Variants in PTGIS observed in about 807,000 individuals in gnomAD.
PTGIS encodes prostacyclin synthase.
In PTGIS, 45 loss-of-function variants were observed where a neutral mutation model predicts 50.3. The observed-to-expected ratio is 0.90, with a 90% confidence interval of 0.70 to 1.15. The LOEUF (loss-of-function observed/expected upper bound fraction) is 1.15, where lower values mean the gene tolerates loss of function less well. Among genes scored for constraint, PTGIS ranks in the 50% most tolerant of loss-of-function variants. The pLI, the probability that PTGIS is intolerant of heterozygous loss-of-function variation, is 0.00. For missense variants in PTGIS, 668 were observed against 661.3 expected, an observed-to-expected ratio of 1.01 and a Z score of -0.11; for synonymous variants, 260 against 267.7, an observed-to-expected ratio of 0.97 and a Z score of 0.28.
intron 1 of PTGIS, among the ~76,000 whole-genome samples, chr20:49,561,959 G>C (rs937032610): frequency 6.6e-6 from 1 of 152,086 alleles, no homozygotes; most frequent in Non-Finnish European, 1.5e-5. Flanking sequence ...TGATGGTGTG[G>C]GAGACACCAC....
chr20:49,518,922 C>G (rs1289366113), intron 6 of PTGIS, among the ~76,000 whole-genome samples: 1 of 152,164 alleles, frequency 6.6e-6, no homozygotes, highest in Non-Finnish European at 1.5e-5. Flanking sequence ...CAGGACCACC[C>G]AGGAATTTCC....
chr20:49,530,523 A>G lies in PTGIS; in HGVS notation c.674-6284T>C, dbSNP rs527591425. ...CCATACTGTTCTCCATGATGGCTAT[A>G]CCAATTTAAATTCCCACCACCAGTG... On this transcript the variant is annotated intron_variant, in intron 5 of 9. Coordinates refer to ENST00000244043, the MANE Select transcript of PTGIS (RefSeq NM_000961.4). Among the ~76,000 whole-genome samples, 31 of 152,270 alleles carry G rather than the reference A, an allele frequency of 2.0e-4. 1 individual carries two copies. The South Asian group carries it at 6.4e-3, about 32-fold the overall frequency.
intron 1 of PTGIS, among the ~76,000 whole-genome samples, chr20:49,562,130 G>A (rs1309696447): frequency 1.3e-5 from 2 of 152,206 alleles, no homozygotes; most frequent in African/African-American, 4.8e-5. Context: ...TTCTAATCCA[G>A]ACAGGTCTGG....
At chr20:49,519,130 C>T (rs1256603698) in intron 6 of PTGIS, among the ~76,000 whole-genome samples, 2 of 152,042 alleles carry the variant, frequency 1.3e-5, no homozygotes, top group African/African-American at 4.8e-5. Flanking sequence ...AACTCTCCTC[C>T]GTCTGCCCCC....
At chr20:49,555,601 A>G (rs374206884) in intron 1 of PTGIS, among the ~76,000 whole-genome samples, 2 of 152,246 alleles carry the variant, frequency 1.3e-5, no homozygotes, top group African/African-American at 4.8e-5. Flanking sequence ...TTGCTTATAT[A>G]AATGAGTATG....
At chr20:49,509,544 C>T (rs146858239) in intron 9 of PTGIS, among the ~76,000 whole-genome samples, 72 of 152,228 alleles carry the variant, frequency 4.7e-4, no homozygotes, top group African/African-American at 1.5e-3. Flanking sequence ...ATTAGGGCAC[C>T]ATTTGAATAT....
chr20:49,555,527 C>T (rs78697714), intron 1 of PTGIS, among the ~76,000 whole-genome samples: 3 of 152,088 alleles, frequency 2.0e-5, no homozygotes, highest in Admixed American at 6.5e-5. Context: ...TAAAATCATA[C>T]AGGAAGCATT....
chr20:49,541,868 C>G (rs777713173), intron 4 of PTGIS, among the ~76,000 whole-genome samples: 1 of 152,132 alleles, frequency 6.6e-6, no homozygotes, highest in Non-Finnish European at 1.5e-5. Context: ...ACAGGATAAT[C>G]CCATATGTAA....
chr20:49,525,697 T>C (rs1981777244), intron 5 of PTGIS, among the ~76,000 whole-genome samples: 1 of 151,878 alleles, frequency 6.6e-6, no homozygotes, highest in Non-Finnish European at 1.5e-5. Context: ...AAAACAAAAA[T>C]ATAAAATATA....
At chr20:49,557,913 G>T (rs570022) in intron 1 of PTGIS, among the ~76,000 whole-genome samples, 5 of 152,098 alleles carry the variant, frequency 3.3e-5, no homozygotes, top group South Asian at 2.1e-4. Context: ...CCTTTCCCCC[G>T]CTTTAAGTAT....
At chr20:49,555,829 C>A (rs1982612759) in intron 1 of PTGIS, among the ~76,000 whole-genome samples, 1 of 152,134 alleles carries the variant, frequency 6.6e-6, no homozygotes, top group Admixed American at 6.6e-5. Context: ...CTATAGAACT[C>A]TGAGGAGTAC....
At chr20:49,561,278 G>C (rs7343977) in intron 1 of PTGIS, among the ~76,000 whole-genome samples, 1 of 152,216 alleles carries the variant, frequency 6.6e-6, no homozygotes, top group Non-Finnish European at 1.5e-5. Context: ...TGAGGGCCAA[G>C]GCTGGGAAGG....
At chr20:49,526,032 T>C (rs1204299864) in intron 5 of PTGIS, among the ~76,000 whole-genome samples, 2 of 152,246 alleles carry the variant, frequency 1.3e-5, no homozygotes, top group African/African-American at 4.8e-5. Context: ...GACATTTCAA[T>C]GTAAAGCAAT....
chr20:49,538,999 G>A (rs1033244744), intron 5 of PTGIS, among the ~76,000 whole-genome samples: 2 of 152,048 alleles, frequency 1.3e-5, no homozygotes, highest in Admixed American at 1.3e-4. Context: ...GCGTTTAGAT[G>A]TGTGTGCTTT....
intron 1 of PTGIS, among the ~76,000 whole-genome samples, chr20:49,560,999 C>G (rs891492149): frequency 6.6e-6 from 1 of 152,146 alleles, no homozygotes. Flanking sequence ...AGGGAACTAC[C>G]GTGACCCCCC....
At position 49,550,005 on chromosome 20, in the gene PTGIS, A is replaced by T. The variant is rs138897238; in HGVS notation, c.198+61T>A. 1.1e-4 allele frequency: 184 copies of T among 1,613,584 alleles called. 1 individual carries two copies. The African/African-American group carries it at 2.3e-3, about 20-fold the overall frequency. On this transcript the variant is annotated intron_variant, in intron 2 of 9. Transcript: ENST00000244043. Reference sequence around the variant, plus strand: ...GGACATATGTTGAAGGAATCAACAGAAACCAGATATGAGGCCCAGCTGCTC... The same window carrying T: ...GGACATATGTTGAAGGAATCAACAGTAACCAGATATGAGGCCCAGCTGCTC...
intron 1 of PTGIS, among the ~76,000 whole-genome samples, chr20:49,553,434 T>G (rs1262331977): frequency 6.6e-6 from 1 of 152,094 alleles, no homozygotes; most frequent in Non-Finnish European, 1.5e-5. Flanking sequence ...TAACTTTAAA[T>G]AGTGACTATC....
intron 5 of PTGIS, among the ~76,000 whole-genome samples, chr20:49,528,584 C>T (rs1055497443): frequency 2.6e-5 from 4 of 152,132 alleles, no homozygotes; most frequent in Non-Finnish European, 5.9e-5. Flanking sequence ...TGCACCACTG[C>T]ACTCCAGGCT....
chr20:49,557,312 C>A (rs1215607918), intron 1 of PTGIS, among the ~76,000 whole-genome samples: 1 of 152,064 alleles, frequency 6.6e-6, no homozygotes, highest in Non-Finnish European at 1.5e-5. Flanking sequence ...GGGGGGCAGG[C>A]ATACATGGTG....
Sources: allele counts gnomAD v4.1 joint callset (sites outside exome capture counted in the v4.1 genomes callset), GRCh38; gene constraint gnomAD v4.1.1; transcripts MANE v1.5; gene names NCBI Gene and HGNC (gene_info 2026-07-23, HGNC 2026-07-21).